UBAP1: variants seen among roughly 807,000 people sequenced by gnomAD.
The protein encoded by UBAP1 is ubiquitin-associated protein 1.
In UBAP1, 5 loss-of-function variants were observed where a neutral mutation model predicts 39.0. The observed-to-expected ratio is 0.13, with a 90% CI of 0.07 to 0.27. The LOEUF is 0.27. Ranked by LOEUF, UBAP1 falls within the 10% of genes least tolerant of loss-of-function variation. The pLI, the probability that UBAP1 is intolerant of heterozygous loss-of-function variation, is 1.00. For missense variants in UBAP1, 490 were observed against 608.1 expected, an observed-to-expected ratio of 0.81 and a Z score of 2.04; for synonymous variants, 211 against 225.1, an observed-to-expected ratio of 0.94 and a Z score of 0.56.
At chr9:34,217,010 C>G (rs1445593489) in intron 1 of UBAP1, among the ~76,000 whole-genome samples, 1 of 152,122 alleles carries the variant, frequency 6.6e-6, no homozygotes, top group Non-Finnish European at 1.5e-5. Flanking sequence ...CCATCCCACT[C>G]CCTGCCCTTC....
At chr9:34,250,323 T>A (rs1834411044) in intron 5 of UBAP1, among the ~76,000 whole-genome samples, 1 of 152,332 alleles carries the variant, frequency 6.6e-6, no homozygotes, top group Non-Finnish European at 1.5e-5. Context: ...TACTGGAGTG[T>A]TAGACCTTGG....
chr9:34,208,777 CAAAA>C (rs58813667), intron 1 of UBAP1, among the ~76,000 whole-genome samples: 5 of 115,570 alleles, frequency 4.3e-5, no homozygotes, highest in Non-Finnish European at 3.6e-5. Flanking sequence ...GACTCTGTCT[CAAAA>C]AAAAAAAAAA....
intron 2 of UBAP1, among the ~76,000 whole-genome samples, chr9:34,231,700 A>G (rs1403837847): frequency 6.6e-6 from 1 of 150,932 alleles, no homozygotes; most frequent in Non-Finnish European, 1.5e-5. Context: ...CCTGGAGTGC[A>G]GTGGTGCGAT....
chr9:34,229,179 G>A (rs1378575222), intron 2 of UBAP1, among the ~76,000 whole-genome samples: 1 of 151,912 alleles, frequency 6.6e-6, no homozygotes, highest in Non-Finnish European at 1.5e-5. Context: ...TAGAATATAA[G>A]TTTGTCAGTG....
chr9:34,200,030 T>A (rs1831283245), intron 1 of UBAP1, among the ~76,000 whole-genome samples: 1 of 152,080 alleles, frequency 6.6e-6, no homozygotes, highest in Non-Finnish European at 1.5e-5. Flanking sequence ...CTTTCTTAGT[T>A]TCTTCTGGTC....
chr9:34,234,269 A>C lies in UBAP1; in HGVS notation c.88A>C (p.Thr30Pro), dbSNP rs753283643. 3.1e-6 allele frequency: 5 copies of C among 1,613,374 alleles called. No individual in the cohort carries two copies. The highest frequency in any genetic ancestry group is 4.2e-6 in the Non-Finnish European group (5 of 1,179,886). Residue 30 changes from threonine to proline, a missense_variant, in exon 3 of 7, where the codon ACA becomes CCA. Thr to Pro is a conservative substitution (Grantham distance 38). This residue lies in a region of UBAP1 where 144 missense variants were observed against 184.4 expected (regional missense o/e 0.78). Coordinates refer to ENST00000297661, the MANE Select transcript of UBAP1 (RefSeq NM_016525.5). ...VPFKTGDKFK[T>P]PAKVGLPIGF... The stretch of plus-strand genomic sequence containing the variant: ...ATTTAAGACAGGAGACAAATTCAAA[A>C]CACCAGCTAAAGTTGGTCTACCTAT...
chr9:34,249,913 C>T lies in UBAP1; in HGVS notation c.1218C>T (p.Tyr406=), dbSNP rs150033951. 3.7e-5 allele frequency: 59 copies of T among 1,613,508 alleles called. 1 individual carries two copies. The South Asian group carries it at 3.8e-4, about 11-fold the overall frequency. The change falls in exon 5 of 7, where the codon TAC becomes TAT. Residue 406 remains tyrosine (Y), a synonymous_variant. Coordinates refer to ENST00000297661, the MANE Select transcript of UBAP1 (RefSeq NM_016525.5). ...CGGTGGTCAACATGGGCTACTCGTA[C>T]GAGTGTGTCCTCAGAGCCATGAAGA... ...VETVVNMGYS[Y]ECVLRAMKKK...
chr9:34,237,823 C>T (rs1306006128), intron 3 of UBAP1, among the ~76,000 whole-genome samples: 1 of 152,210 alleles, frequency 6.6e-6, no homozygotes, highest in African/African-American at 2.4e-5. Context: ...CCACCTCAGC[C>T]TCCCAAAGTG....
intron 2 of UBAP1, among the ~76,000 whole-genome samples, chr9:34,227,938 G>A (rs1833188694): frequency 1.3e-5 from 2 of 152,062 alleles, no homozygotes; most frequent in African/African-American, 4.8e-5. Context: ...ACCAGCCTGG[G>A]CAACAAAGTG....
At chr9:34,248,937 C>T (rs933833686) in intron 4 of UBAP1, among the ~76,000 whole-genome samples, 2 of 152,172 alleles carry the variant, frequency 1.3e-5, no homozygotes, top group African/African-American at 4.8e-5. Flanking sequence ...GTCCTTTGGC[C>T]TGGGAGTGTG....
intron 2 of UBAP1, among the ~76,000 whole-genome samples, chr9:34,222,571 G>T (rs1832816853): frequency 6.6e-6 from 1 of 152,032 alleles, no homozygotes; most frequent in Admixed American, 6.6e-5. Flanking sequence ...GAGGTGAGAG[G>T]ATCGCTTGAG....
chr9:34,227,935 TG>T (rs978686435), intron 2 of UBAP1, among the ~76,000 whole-genome samples: 3 of 152,086 alleles, frequency 2.0e-5, no homozygotes, highest in African/African-American at 7.2e-5. Flanking sequence ...GAGACCAGCC[TG>T]GGCAACAAAG....
chr9:34,216,642 A>ATTTTTTTTTTT (rs57204146), intron 1 of UBAP1, among the ~76,000 whole-genome samples: 1 of 70,186 alleles, frequency 1.4e-5, no homozygotes, highest in Non-Finnish European at 2.6e-5. Flanking sequence ...CACCATGCTA[A>ATTTTTTTTTTT]TTTTTTTTTT....
chr9:34,211,801 C>G (rs1164229696), intron 1 of UBAP1, among the ~76,000 whole-genome samples: 1 of 152,038 alleles, frequency 6.6e-6, no homozygotes, highest in African/African-American at 2.4e-5. Context: ...TCTCTTGTTA[C>G]CTGTTTCCCC....
intron 1 of UBAP1, among the ~76,000 whole-genome samples, chr9:34,200,468 C>T (rs957466372): frequency 2.0e-5 from 3 of 152,068 alleles, no homozygotes; most frequent in Non-Finnish European, 2.9e-5. Flanking sequence ...AGTGCTATTA[C>T]GGTTTTATTT....
chr9:34,249,658 C>T (rs1834364918), intron 4 of UBAP1, 121 bp from the exon 5 acceptor site: 4 of 952,870 alleles, frequency 4.2e-6, no homozygotes, highest in Admixed American at 4.7e-5. Context: ...TTTCTTCCAA[C>T]CTGACCGCTT....
chr9:34,231,462 G>A (rs192285684), intron 2 of UBAP1, among the ~76,000 whole-genome samples: 1 of 151,984 alleles, frequency 6.6e-6, no homozygotes, highest in African/African-American at 2.4e-5. Context: ...ACCTGCCTTG[G>A]CCTCCCAAAG....
intron 2 of UBAP1, among the ~76,000 whole-genome samples, chr9:34,222,747 A>G (rs1480642688): frequency 1.3e-5 from 2 of 151,796 alleles, no homozygotes; most frequent in African/African-American, 4.8e-5. Context: ...GCAGTGAGCC[A>G]TGATCACGCC....
At chr9:34,231,125 TTATGTGTG>T (rs1201211612) in intron 2 of UBAP1, among the ~76,000 whole-genome samples, 20 of 96,694 alleles carry the variant, frequency 2.1e-4, no homozygotes, top group African/African-American at 7.6e-4. Flanking sequence ...TTTAAAAAAA[TTATGTGTG>T]TGTGTGTGTG....
Sources: gnomAD v4.1 joint callset for allele counts (sites outside exome capture counted in the v4.1 genomes callset) on GRCh38, gnomAD v4.1.1 for gene constraint, gnomAD v4.1.1 regional missense constraint, MANE v1.5 for transcripts, NCBI Gene and HGNC (gene_info 2026-07-23, HGNC 2026-07-21) for gene names.